ADGRD1: variants seen among roughly 807,000 people sequenced by gnomAD.
ADGRD1 encodes the protein adhesion G protein-coupled receptor D1.
In ADGRD1, 77 loss-of-function variants were observed where a neutral mutation model predicts 113.4. The ratio of observed to expected loss-of-function variants is 0.68; its 90% CI spans 0.57 to 0.82. The LOEUF is 0.82. Among genes scored for constraint, ADGRD1 ranks in the 40% least tolerant of loss-of-function variants. The pLI, the probability that ADGRD1 is intolerant of heterozygous loss-of-function variation, is 0.00. For missense variants in ADGRD1, 1,036 were observed against 1,139.1 expected, an observed-to-expected ratio of 0.91 and a Z score of 1.30; for synonymous variants, 474 against 475.0, an observed-to-expected ratio of 1.00 and a Z score of 0.03.
chr12:130,960,645 T>C (rs1220338937), intron 2 of ADGRD1, among the ~76,000 whole-genome samples: 1 of 92,216 alleles, frequency 1.1e-5, no homozygotes, highest in East Asian at 3.4e-4. Context: ...AGATTTCAAA[T>C]GCAAAAATCT....
chr12:131,018,089 G>A (rs1878850770), intron 13 of ADGRD1, among the ~76,000 whole-genome samples: 1 of 152,202 alleles, frequency 6.6e-6, no homozygotes, highest in Non-Finnish European at 1.5e-5. Context: ...TTGGAAAGTG[G>A]AAAGTGATTT....
rs2136517678 is a variant in ADGRD1 at position 130,968,761 on chromosome 12, G to C, written c.187+2215G>C. 5.4e-6 allele frequency: 3 copies of C among 555,856 alleles called. No homozygotes were observed. In the East Asian group the frequency reaches 9.2e-5, roughly 17 times the overall value. The allele number at this position is 555,856 out of a possible 1,614,324, so 34.4% of individuals were successfully genotyped here. On this transcript the variant is annotated intron_variant, in intron 3 of 24. Coordinates refer to ENST00000261654, the MANE Select transcript of ADGRD1 (RefSeq NM_198827.5). ...TTCAGCAGCCATCACGCCCTGGTGT[G>C]GGAACTGAGTGGGGCCACTGGAGTG...
chr12:131,127,491 C>T (rs1382064169), intron 20 of ADGRD1, among the ~76,000 whole-genome samples: 1 of 151,946 alleles, frequency 6.6e-6, no homozygotes, highest in Non-Finnish European at 1.5e-5. Flanking sequence ...TGATGGGACC[C>T]TGAGCTCAGA....
intron 17 of ADGRD1, 147 bp downstream of exon 17, chr12:131,106,012 C>A (rs540239165): frequency 9.6e-5 from 63 of 657,868 alleles, no homozygotes; most frequent in South Asian, 5.5e-4. Flanking sequence ...TCGGGGGAAG[C>A]AGAGATCGTG....
rs1215788550 is a variant in ADGRD1, at chr12:131,104,908, C to A, written c.1749C>A (p.Ala583=). The part of the protein sequence containing the change: ...GCSLSVLCLV[A]TLVTFAVLSS... ...CCCTCTCCGTGCTCTGCCTGGTGGCCACGCTGGTCACCTTCGCCGTGCTGT... is the reference window on the plus strand; with the variant it reads ...CCCTCTCCGTGCTCTGCCTGGTGGCAACGCTGGTCACCTTCGCCGTGCTGT... Residue 583 remains alanine, a synonymous_variant, in exon 16 of 25, where the codon GCC becomes GCA. Coordinates refer to ENST00000261654, the MANE Select transcript of ADGRD1 (RefSeq NM_198827.5). The A allele has an allele frequency of 6.4e-7, 1 of 1,550,942 alleles. No individual in the cohort carries two copies. The highest frequency in any genetic ancestry group is 2.4e-5 in the East Asian group (1 of 40,904).
chr12:131,116,097 C>T (rs551143395), intron 18 of ADGRD1, among the ~76,000 whole-genome samples: 82 of 152,340 alleles, frequency 5.4e-4, no homozygotes, highest in African/African-American at 1.9e-3. Context: ...CCCACAAACG[C>T]ACTCACCCAG....
Position 130,991,047 on chromosome 12 carries a change from G to T in ADGRD1, c.779G>T (p.Ser260Ile). 6.2e-7 allele frequency: 1 copy of T among 1,614,114 alleles called. No homozygotes were observed. Among genetic ancestry groups the T allele is most frequent in the Non-Finnish European group, 8.5e-7 (1 of 1,179,982 alleles). The change falls in exon 7 of 25, where the codon AGC (serine) becomes ATC (isoleucine). Residue 260 changes from serine to isoleucine, a missense_variant. By Grantham distance (142) the Ser-to-Ile change is moderately radical. Transcript: ENST00000261654. Reference protein sequence around the residue: ...KHALLSSTLPSLFMTSTASPV... With the variant: ...KHALLSSTLPILFMTSTASPV... ...GCTTTATTGTCTTCAACGCTGCCAAGCCTCTTCATGACATCCACAGCAAGC... is the reference window on the plus strand; with the variant it reads ...GCTTTATTGTCTTCAACGCTGCCAATCCTCTTCATGACATCCACAGCAAGC...
At chr12:131,048,118 G>A (rs1233421531) in intron 13 of ADGRD1, among the ~76,000 whole-genome samples, 1 of 152,252 alleles carries the variant, frequency 6.6e-6, no homozygotes, top group African/African-American at 2.4e-5. Context: ...GAAACAGGGA[G>A]AGCAGATGCT....
intron 15 of ADGRD1, among the ~76,000 whole-genome samples, chr12:131,098,861 G>A (rs935861548): frequency 7.9e-5 from 12 of 152,232 alleles, no homozygotes; most frequent in South Asian, 4.1e-4. Flanking sequence ...CTGAATACAT[G>A]CTTGCTGCTG....
Position 131,014,307 on chromosome 12 carries a change from T to A in ADGRD1, c.1440T>A (p.Ser480=). ...CCCTGTCTCAGAACCTGTCGGGCTC[T>A]CCACTCATTACGGTCCACCTCAAGC... ...PPTLSQNLSG[S]PLITVHLKHR... Residue 480 remains serine (S), a synonymous_variant, in exon 13 of 25, where the codon TCT becomes TCA. Transcript: ENST00000261654. The A allele has an allele frequency of 6.2e-7, 1 of 1,614,084 alleles. No individual in the cohort carries two copies. The highest frequency in any genetic ancestry group is 8.5e-7 in the Non-Finnish European group (1 of 1,179,950).
intron 15 of ADGRD1, among the ~76,000 whole-genome samples, chr12:131,085,329 C>T (rs945245615): frequency 1.3e-5 from 2 of 152,218 alleles, no homozygotes; most frequent in East Asian, 3.9e-4. Flanking sequence ...ATGTTCTAGG[C>T]CAGGAAACAG....
At chr12:130,980,587 G>A (rs935412821) in intron 4 of ADGRD1, 1 of 151,332 alleles carries the variant, frequency 6.6e-6, no homozygotes, top group African/African-American at 2.4e-5. Flanking sequence ...TAGTAGAGAC[G>A]GCATTTCACT....
At chr12:131,052,438 T>C (rs934474567) in intron 13 of ADGRD1, among the ~76,000 whole-genome samples, 1 of 152,190 alleles carries the variant, frequency 6.6e-6, no homozygotes, top group African/African-American at 2.4e-5. Context: ...AGCTGGAACA[T>C]TCAGGGCAAG....
intron 15 of ADGRD1, among the ~76,000 whole-genome samples, chr12:131,092,981 C>A (rs1887016261): frequency 1.3e-5 from 2 of 151,850 alleles, no homozygotes; most frequent in African/African-American, 2.4e-5. Context: ...TGGCTACCAC[C>A]CCTGCACTCA....
At chr12:130,956,059 G>A (rs1256352149) in intron 2 of ADGRD1, among the ~76,000 whole-genome samples, 1 of 152,250 alleles carries the variant, frequency 6.6e-6, no homozygotes, top group African/African-American at 2.4e-5. Context: ...AAAGTGTTGG[G>A]ATTACAGATG....
intron 15 of ADGRD1, among the ~76,000 whole-genome samples, chr12:131,097,894 C>T (rs1309447527): frequency 1.3e-5 from 2 of 152,234 alleles, no homozygotes; most frequent in Non-Finnish European, 2.9e-5. Flanking sequence ...GCTCTCTGCC[C>T]TACGCTTGGC....
intron 20 of ADGRD1, among the ~76,000 whole-genome samples, chr12:131,124,115 G>A (rs1010533784): frequency 2.0e-5 from 3 of 152,238 alleles, no homozygotes; most frequent in East Asian, 1.9e-4. Flanking sequence ...GGGGAGTGCC[G>A]TGGAGGGGAG....
At chr12:131,056,521 C>T (rs932050052) in intron 13 of ADGRD1, among the ~76,000 whole-genome samples, 1 of 152,230 alleles carries the variant, frequency 6.6e-6, no homozygotes, top group Non-Finnish European at 1.5e-5. Context: ...AGCTAGGCTT[C>T]TCTTTTCTTC....
rs1451162213 is a variant in ADGRD1, at chr12:131,041,345, G to A, written c.1473+27005G>A. Reference sequence around the variant, plus strand: ...CCCTGGAAGGAGGAAGTTGTCTGGGGAGAAGAAGAGCAGGTGTGGACAGGG... The same window carrying A: ...CCCTGGAAGGAGGAAGTTGTCTGGGAAGAAGAAGAGCAGGTGTGGACAGGG... On this transcript the variant is annotated intron_variant, in intron 13 of 24. Coordinates refer to ENST00000261654, the MANE Select transcript of ADGRD1 (RefSeq NM_198827.5). This position sits in a 1 kb window ranked among gnomAD's most constrained non-coding sequence, Gnocchi z 4.4. Among the ~76,000 whole-genome samples, 1 of 152,150 alleles carries A rather than the reference G, an allele frequency of 6.6e-6. No homozygotes were observed. Among genetic ancestry groups the A allele is most frequent in the Non-Finnish European group, 1.5e-5 (1 of 68,030 alleles).
Sources: allele counts gnomAD v4.1 joint callset (sites outside exome capture counted in the v4.1 genomes callset), GRCh38; gene constraint gnomAD v4.1.1; non-coding constraint Gnocchi (gnomAD v3.1); transcripts MANE v1.5; gene names NCBI Gene and HGNC (gene_info 2026-07-23, HGNC 2026-07-21).